DDTL: variants seen among roughly 807,000 people sequenced by gnomAD.
DDTL encodes the protein D-dopachrome tautomerase like.
Under a neutral mutation model 1.1 loss-of-function variants are expected in DDTL, and 1 was observed. The observed-to-expected ratio is 0.91, with a 90% CI of 0.32 to 4.31. DDTL has a LOEUF of 4.31. Among genes scored for constraint, DDTL ranks in the 30% most tolerant of loss-of-function variants. The probability of loss-of-function intolerance (pLI) is 0.17; values close to 1 mark genes in which losing one functional copy is unlikely to be tolerated. For synonymous variants in DDTL, 21 were observed against 16.6 expected (o/e 1.26, Z -0.64); for missense variants, 54 against 48.9 (o/e 1.10, Z -0.31).
chr22:23,969,063 A>G (rs1390044592), intron 2 of DDTL: 2 of 502,654 alleles, frequency 4.0e-6, no homozygotes, highest in East Asian at 4.8e-4. Flanking sequence ...GGTCCTCTAC[A>G]GGTACTTTAC....
chr22:23,970,291 T>C (rs1464463383), intron 2 of DDTL, among the ~76,000 whole-genome samples: 2 of 151,912 alleles, frequency 1.3e-5, no homozygotes, highest in Non-Finnish European at 1.5e-5. Flanking sequence ...TGTGTGTTTA[T>C]GTGTGGGTGT....
intron 2 of DDTL, among the ~76,000 whole-genome samples, chr22:23,970,220 G>A (rs527621022): frequency 6.6e-6 from 1 of 152,294 alleles, no homozygotes; most frequent in African/African-American, 2.4e-5. Context: ...CCATGTGACT[G>A]AATTGCCTGT....
intron 2 of DDTL, among the ~76,000 whole-genome samples, chr22:23,971,081 G>A (rs1239073256): frequency 1.3e-5 from 2 of 152,226 alleles, no homozygotes; most frequent in Non-Finnish European, 2.9e-5. Flanking sequence ...CAGTCATGGA[G>A]GGAGTAGACT....
rs368846231 is a variant in DDTL, at chr22:23,971,523, C to T, written c.*117C>T. On this transcript the variant is annotated 3_prime_UTR_variant, in exon 3 of 3. Transcript: ENST00000215770. ...CTCTCTGGAAGAAGCAGCCAGTTCA[C>T]AGATGCCCTGGATCCCTCCGTGCCC... 1 of 1,612,918 alleles carries T rather than the reference C, an allele frequency of 6.2e-7. No homozygotes were observed. The highest frequency in any genetic ancestry group is 2.2e-5 in the East Asian group (1 of 44,878).
At chr22:23,969,312 G>A (rs1197940067) in intron 2 of DDTL, 17 of 985,412 alleles carry the variant, frequency 1.7e-5, no homozygotes, top group Non-Finnish European at 1.9e-5. Context: ...TAGTGGTGGG[G>A]GGGCCACCCT....
At chr22:23,969,914 T>G in intron 2 of DDTL, 1 of 970,212 alleles carries the variant, frequency 1.0e-6, no homozygotes, top group Non-Finnish European at 1.2e-6. Context: ...TAGGTGGCAG[T>G]AAGTCTGGGA....
intron 2 of DDTL, among the ~76,000 whole-genome samples, chr22:23,970,180 G>A (rs1450439233): frequency 6.6e-6 from 1 of 152,166 alleles, no homozygotes; most frequent in Non-Finnish European, 1.5e-5. Context: ...CACTGGGAAG[G>A]GAACTAGCAA....
Position 23,969,420 on chromosome 22 carries a change from A to C in DDTL, c.284+1859A>C. 5 of 985,702 alleles carry C rather than the reference A, an allele frequency of 5.1e-6. No homozygotes were observed. The South Asian group carries it at 2.3e-4, about 46-fold the overall frequency. The allele number at this position is 985,702 out of a possible 1,614,324, so 61.1% of individuals were successfully genotyped here. A position where few individuals can be genotyped will look rare whatever the true frequency, so the allele number is the denominator to read the frequency against. Reference sequence around the variant, plus strand: ...ATTGCCCCTCAGCCCACAGACTGACAGAGATGATGGAGTGTGCAGCACACA... The same window carrying C: ...ATTGCCCCTCAGCCCACAGACTGACCGAGATGATGGAGTGTGCAGCACACA... On this transcript the variant is annotated intron_variant, in intron 2 of 2. Transcript: ENST00000215770.
chr22:23,969,681 T>C (rs1341496545), intron 2 of DDTL: 51 of 979,326 alleles, frequency 5.2e-5, no homozygotes, highest in Non-Finnish European at 5.8e-5. Context: ...TAGCCCAGCA[T>C]GGTGGCATGA....
At chr22:23,969,971 G>C (rs976689927) in intron 2 of DDTL, 11 of 548,482 alleles carry the variant, frequency 2.0e-5, no homozygotes, top group Non-Finnish European at 2.1e-5. Context: ...TTGTTAAGCA[G>C]GGCCAGCAGG....
Position 23,971,710 on chromosome 22 carries a change from T to G in DDTL, c.*304T>G. 8.2e-7 allele frequency: 1 copy of G among 1,226,902 alleles called. No homozygotes were observed. The highest frequency in any genetic ancestry group is 1.2e-6 in the Non-Finnish European group (1 of 864,320). 76.0% of individuals were successfully genotyped at this position (1,226,902 alleles called of 1,614,324 possible). On this transcript the variant is annotated 3_prime_UTR_variant, in exon 3 of 3. Transcript: ENST00000215770. ...CCCTGCCAGGTACTCCCACTGTGGGTACTCAGGACAGCCTGCCTCAGTCCA... is the reference window on the plus strand; with the variant it reads ...CCCTGCCAGGTACTCCCACTGTGGGGACTCAGGACAGCCTGCCTCAGTCCA...
intron 2 of DDTL, among the ~76,000 whole-genome samples, chr22:23,970,169 A>T (rs1186965844): frequency 6.6e-6 from 1 of 152,176 alleles, no homozygotes; most frequent in East Asian, 1.9e-4. Context: ...GGCGGAGGTG[A>T]CACTGGGAAG....
rs2033895970 is a variant in DDTL, at chr22:23,971,331, C to CA, written c.331dup (p.Arg111LysfsTer10). The CA allele has an allele frequency of 6.2e-7, 1 of 1,614,152 alleles. No individual in the cohort carries two copies. The highest frequency in any genetic ancestry group is 8.5e-7 in the Non-Finnish European group (1 of 1,180,022). The stretch of plus-strand genomic sequence containing the variant: ...CCAGCCCTGCTGCCCATGGTGGCCC[C>CA]AGATGCCCAGGAGAGATAATAGAAG... On this transcript the variant is annotated frameshift_variant, in exon 3 of 3. Transcript: ENST00000215770. LOFTEE classifies it low-confidence loss of function (END_TRUNC).
chr22:23,970,819 T>C (rs1346997093), intron 2 of DDTL, among the ~76,000 whole-genome samples: 1 of 152,058 alleles, frequency 6.6e-6, no homozygotes, highest in African/African-American at 2.4e-5. Context: ...CCTCCCAGCC[T>C]GGGGACCCCT....
At chr22:23,970,252 G>C (rs200743518) in intron 2 of DDTL, among the ~76,000 whole-genome samples, 2 of 141,822 alleles carry the variant, frequency 1.4e-5, no homozygotes, top group Non-Finnish European at 2.9e-5. Context: ...GTATGTGTGC[G>C]AATGTCAGTG....
In DDTL at chr22:23,971,735, AC is replaced by A; in HGVS notation, c.*331del. On this transcript the variant is annotated 3_prime_UTR_variant, in exon 3 of 3. Transcript: ENST00000215770. ...TACTCAGGACAGCCTGCCTCAGTCCACCAGGCATTTTGCAAACCTGCTCATC... is the reference window on the plus strand; with the variant it reads ...TACTCAGGACAGCCTGCCTCAGTCCACAGGCATTTTGCAAACCTGCTCATC... The A allele has an allele frequency of 5.2e-6, 5 of 965,776 alleles. No homozygotes were observed. Among genetic ancestry groups the A allele is most frequent in the South Asian group, 3.3e-5 (2 of 60,824 alleles). 59.8% of individuals were successfully genotyped at this position (965,776 alleles called of 1,614,324 possible).
chr22:23,971,552 C>A lies in DDTL; in HGVS notation c.*146C>A. ...TGCCCTGGATCCCTCCGTGCCCAAT[C>A]ATAAAAAAGTCATGACCGTCCCTAT... On this transcript the variant is annotated 3_prime_UTR_variant, in exon 3 of 3. Coordinates refer to ENST00000215770, the MANE Select transcript of DDTL (RefSeq NM_001084393.2). 1 of 1,614,034 alleles carries A rather than the reference C, an allele frequency of 6.2e-7. No homozygotes were observed. Among genetic ancestry groups the A allele is most frequent in the Non-Finnish European group, 8.5e-7 (1 of 1,179,956 alleles).
chr22:23,971,139 A>C, intron 2 of DDTL, 147 bp from the exon 3 acceptor site: 1 of 1,189,400 alleles, frequency 8.4e-7, no homozygotes, highest in Admixed American at 2.4e-5. Context: ...TGAGGACAGG[A>C]GCCTCAGGTC....
chr22:23,969,394 G>C (rs576894214), intron 2 of DDTL: 72 of 983,428 alleles, frequency 7.3e-5, no homozygotes, highest in Non-Finnish European at 8.6e-5. Flanking sequence ...GGAGGAGGCA[G>C]ATTGCCCCTC....
Sources: gnomAD v4.1 joint callset for allele counts (sites outside exome capture counted in the v4.1 genomes callset) on GRCh38, gnomAD v4.1.1 for gene constraint, MANE v1.5 for transcripts, NCBI Gene and HGNC (gene_info 2026-07-23, HGNC 2026-07-21) for gene names.